Variants in SLC16A7 observed in about 807,000 individuals in gnomAD.
SLC16A7 encodes the protein solute carrier family 16 member 7.
SLC16A7 carries 33 observed loss-of-function variants against 34.9 expected under a neutral mutation model. That is an observed-to-expected ratio of 0.94 (90% CI 0.72 to 1.26). The LOEUF (loss-of-function observed/expected upper bound fraction) is 1.26. SLC16A7 is among the 50% of genes most tolerant of loss of function. The pLI, the probability that SLC16A7 is intolerant of heterozygous loss-of-function variation, is 0.00. For synonymous variants in SLC16A7, 201 were observed against 206.6 expected, an observed-to-expected ratio of 0.97 and a Z score of 0.23; for missense variants, 573 against 578.1, an observed-to-expected ratio of 0.99 and a Z score of 0.09.
rs1008761140 is a variant in SLC16A7, at chr12:59,785,299, GTTTA to G, written c.*5624_*5627del. 2 of 152,050 alleles carry G rather than the reference GTTTA, an allele frequency of 1.3e-5. No homozygotes were observed. The highest frequency in any genetic ancestry group is 4.8e-5 in the African/African-American group (2 of 41,400). The allele number at this position is 152,050 out of a possible 1,614,324, so 9.4% of individuals were successfully genotyped here. A position where few individuals can be genotyped will look rare whatever the true frequency, so the allele number is the denominator to read the frequency against. On this transcript the variant is annotated 3_prime_UTR_variant, in exon 6 of 6. Transcript: ENST00000547379. ...GCTCTTTACAGGGTGCTACAATCTG[GTTTA>G]TTTTAGTCTTCTCTCCTCTACTGCT... is the stretch of plus-strand genomic sequence containing the variant.
intron 3 of SLC16A7, among the ~76,000 whole-genome samples, chr12:59,709,464 T>G (rs553924582): frequency 6.6e-6 from 1 of 151,692 alleles, no homozygotes; most frequent in South Asian, 2.1e-4. Context: ...CAATATGTAT[T>G]TTTCTATTCT....
At chr12:59,598,338 T>C (rs531443419) in intron 1 of SLC16A7, among the ~76,000 whole-genome samples, 1 of 152,334 alleles carries the variant, frequency 6.6e-6, no homozygotes, top group African/African-American at 2.4e-5. Context: ...GTACCTAGAA[T>C]ACAGACGGGC....
rs752808363 is a variant in SLC16A7, at chr12:59,775,082, G to GC, written c.792dup (p.Ile265HisfsTer9). The GC allele has an allele frequency of 6.2e-6, 10 of 1,613,560 alleles. No homozygotes were observed. Among genetic ancestry groups the GC allele is most frequent in the Non-Finnish European group, 8.5e-6 (10 of 1,179,904 alleles). On this transcript the variant is annotated frameshift_variant, in exon 5 of 6. Transcript: ENST00000547379. LOFTEE classifies it high-confidence loss of function. ...TGTCATTATGTTCCTAGGTTTTTTT[G>GC]CCCCCATTATATTCTTGGCTCCATA...
intron 3 of SLC16A7, among the ~76,000 whole-genome samples, chr12:59,722,768 C>T (rs1483987324): frequency 6.6e-6 from 1 of 151,842 alleles, no homozygotes; most frequent in Non-Finnish European, 1.5e-5. Flanking sequence ...CGGTTCTATC[C>T]ATCTTCATTG....
chr12:59,739,167 A>G (rs1877983479), intron 3 of SLC16A7, among the ~76,000 whole-genome samples: 3 of 147,742 alleles, frequency 2.0e-5, no homozygotes, highest in Admixed American at 1.3e-4. Context: ...AGCATTAGGT[A>G]TATCTCCTAA....
At chr12:59,627,800 T>A (rs1176961799) in intron 1 of SLC16A7, among the ~76,000 whole-genome samples, 1 of 151,596 alleles carries the variant, frequency 6.6e-6, no homozygotes, top group East Asian at 1.9e-4. Flanking sequence ...TCTAAGCTGA[T>A]GATTTCTAGG....
chr12:59,768,291 G>C (rs1452313190), intron 3 of SLC16A7: 2 of 439,730 alleles, frequency 4.5e-6, no homozygotes, highest in Admixed American at 4.9e-5. Context: ...CAATCCTCAT[G>C]GGTGACTTTA....
chr12:59,671,895 A>ATG (rs1323692133), intron 2 of SLC16A7, among the ~76,000 whole-genome samples: 5 of 126,206 alleles, frequency 4.0e-5, no homozygotes, highest in Non-Finnish European at 8.2e-5. Context: ...ATATGTACAT[A>ATG]TGTATATATA....
At chr12:59,769,803 A>T (rs1023589404) in intron 3 of SLC16A7, among the ~76,000 whole-genome samples, 6 of 152,106 alleles carry the variant, frequency 3.9e-5, no homozygotes, top group African/African-American at 1.4e-4. Flanking sequence ...TCTTAATACC[A>T]TAGTATTAGC....
intron 1 of SLC16A7, among the ~76,000 whole-genome samples, chr12:59,612,581 C>A (rs1227752865): frequency 6.6e-6 from 1 of 152,202 alleles, no homozygotes; most frequent in African/African-American, 2.4e-5. Flanking sequence ...GCCTGAATTT[C>A]TCCCCAGAAA....
At chr12:59,673,191 C>T (rs992378059) in intron 2 of SLC16A7, among the ~76,000 whole-genome samples, 5 of 152,098 alleles carry the variant, frequency 3.3e-5, no homozygotes, top group East Asian at 1.9e-4. Context: ...AATATTTCCA[C>T]GTATAATGAA....
intron 2 of SLC16A7, among the ~76,000 whole-genome samples, chr12:59,698,521 G>C (rs1323993208): frequency 6.6e-6 from 1 of 151,784 alleles, no homozygotes; most frequent in Non-Finnish European, 1.5e-5. Context: ...GGCAGGAATG[G>C]CAGAGTCATG....
At chr12:59,733,831 G>A (rs2711672) in intron 3 of SLC16A7, 170,268 of 455,490 alleles carry the variant, frequency 0.37, 34,630 homozygotes, top group African/African-American at 0.63. Flanking sequence ...GGAGAGCCAC[G>A]GTGGGCACCT....
At chr12:59,751,463 G>C (rs1291524598) in intron 3 of SLC16A7, among the ~76,000 whole-genome samples, 3 of 152,236 alleles carry the variant, frequency 2.0e-5, no homozygotes, top group African/African-American at 7.2e-5. Flanking sequence ...CCTGCACCTG[G>C]CTCGTAGGGT....
chr12:59,778,750 G>A (rs564493799), intron 5 of SLC16A7, among the ~76,000 whole-genome samples: 1 of 152,154 alleles, frequency 6.6e-6, no homozygotes, highest in East Asian at 1.9e-4. Flanking sequence ...TAGTGACATG[G>A]CACTTAAACA....
intron 3 of SLC16A7, among the ~76,000 whole-genome samples, chr12:59,713,210 G>A (rs191222845): frequency 2.7e-3 from 403 of 152,064 alleles, no homozygotes; most frequent in African/African-American, 9.3e-3. Flanking sequence ...GATAGAGACA[G>A]GGTTTCACCA....
intron 3 of SLC16A7, chr12:59,761,090 G>T: frequency 1.0e-6 from 1 of 990,160 alleles, no homozygotes; most frequent in Non-Finnish European, 1.4e-6. Context: ...ATATTTAATT[G>T]AAGAAGTTAC....
At chr12:59,777,580 T>C (rs913743832) in intron 5 of SLC16A7, among the ~76,000 whole-genome samples, 8 of 152,040 alleles carry the variant, frequency 5.3e-5, no homozygotes, top group East Asian at 1.9e-4. Context: ...TGCTAAAAAA[T>C]TCTTTTTTTT....
intron 2 of SLC16A7, among the ~76,000 whole-genome samples, chr12:59,662,474 G>A (rs533339012): frequency 4.6e-5 from 7 of 151,850 alleles, no homozygotes; most frequent in Non-Finnish European, 7.4e-5. Flanking sequence ...AAAAAATCTC[G>A]CATGATCCTA....
Sources: gnomAD v4.1 joint callset for allele counts (sites outside exome capture counted in the v4.1 genomes callset) on GRCh38, gnomAD v4.1.1 for gene constraint, MANE v1.5 for transcripts, NCBI Gene and HGNC (gene_info 2026-07-23, HGNC 2026-07-21) for gene names.